Variants in DDX50 observed in about 807,000 individuals in gnomAD.
DDX50 encodes ATP-dependent RNA helicase DDX50.
In DDX50, 56 loss-of-function variants were observed where a neutral mutation model predicts 94.8. That is an observed-to-expected ratio of 0.59 (90% CI 0.48 to 0.74). The LOEUF (loss-of-function observed/expected upper bound fraction) is 0.74. Among genes scored for constraint, DDX50 ranks in the 30% least tolerant of loss-of-function variants. The probability of loss-of-function intolerance (pLI) is 0.00; values close to 1 mark genes in which losing one functional copy is unlikely to be tolerated. For missense variants in DDX50, 713 were observed against 881.2 expected (o/e 0.81, Z 2.42); for synonymous variants, 264 against 295.4 (o/e 0.89, Z 1.09).
intron 11 of DDX50, among the ~76,000 whole-genome samples, chr10:68,936,533 T>C (rs1200184022): frequency 9.8e-6 from 1 of 101,766 alleles, no homozygotes; most frequent in Non-Finnish European, 1.9e-5. Context: ...TATATATATA[T>C]ATATATATAT....
rs751838663 is a variant in DDX50, at chr10:68,934,279, A to G, written c.1320A>G (p.Lys440=). 5.0e-6 allele frequency: 8 copies of G among 1,613,384 alleles called. No homozygotes were observed. Among genetic ancestry groups the G allele is most frequent in the South Asian group, 1.1e-5 (1 of 91,054 alleles). ...AAGGCTTCAGAGAAGGTAGTTTTAAAGTTTTGGTGGCAACCAATGTGGCTG... is the reference window on the plus strand; with the variant it reads ...AAGGCTTCAGAGAAGGTAGTTTTAAGGTTTTGGTGGCAACCAATGTGGCTG... ...TLKGFREGSF[K]VLVATNVAAR... The change falls in exon 9 of 15, where the codon AAA becomes AAG. Residue 440 remains lysine, a synonymous_variant. Transcript: ENST00000373585. This position sits in a 1 kb window ranked among gnomAD's most constrained non-coding sequence, Gnocchi z 4.0.
At chr10:68,936,438 G>A (rs563009859) in intron 11 of DDX50, among the ~76,000 whole-genome samples, 30 of 130,006 alleles carry the variant, frequency 2.3e-4, no homozygotes, top group African/African-American at 7.6e-4. Flanking sequence ...GCAGGGAATC[G>A]AGAGTGCACC....
chr10:68,937,580 A>G (rs541389242), intron 12 of DDX50, among the ~76,000 whole-genome samples: 140 of 131,754 alleles, frequency 1.1e-3, no homozygotes, highest in African/African-American at 3.6e-3. Flanking sequence ...TTATAACTTT[A>G]TAAGTTTTTT....
Position 68,936,037 on chromosome 10 carries a change from C to G in DDX50, c.1553C>G (p.Ser518Cys). The change falls in exon 11 of 15, where the codon TCT becomes TGT. Residue 518 changes from serine (S) to cysteine (C), a missense_variant. Coordinates refer to ENST00000373585, the MANE Select transcript of DDX50 (RefSeq NM_024045.2). ...GITFKRVGVPSTMDLVKSKSM... is the reference protein window; with the variant it reads ...GITFKRVGVPCTMDLVKSKSM... ...ACTTTTAAACGTGTAGGTGTTCCTT[C>G]TACAATGGATTTAGTTAAATCTAAA... The G allele has an allele frequency of 6.2e-7, 1 of 1,610,224 alleles. No homozygotes were observed. The highest frequency in any genetic ancestry group is 8.5e-7 in the Non-Finnish European group (1 of 1,178,620).
intron 14 of DDX50, 83 bp from the exon 15 acceptor site, chr10:68,946,269 A>C: frequency 6.8e-7 from 1 of 1,469,700 alleles, no homozygotes; most frequent in East Asian, 2.3e-5. Flanking sequence ...AATAGATATG[A>C]AAAAGGTGTC....
At chr10:68,910,445 C>G in intron 3 of DDX50, 63 bp downstream of exon 3, 1 of 1,403,196 alleles carries the variant, frequency 7.1e-7, no homozygotes, top group South Asian at 1.3e-5. Context: ...CTCTGTTGCC[C>G]AGGCTGGAGT....
At chr10:68,942,813 C>A (rs1274694271) in intron 13 of DDX50, among the ~76,000 whole-genome samples, 1 of 151,866 alleles carries the variant, frequency 6.6e-6, no homozygotes, top group Admixed American at 6.6e-5. Context: ...ATGGAGTTTT[C>A]CCTATGTTGC....
rs141725516 is a variant in DDX50 at position 68,927,820 on chromosome 10, T to G, written c.1240-6379T>G. On this transcript the variant is annotated intron_variant, in intron 8 of 14. Transcript: ENST00000373585. ...GGGAGTCTTATGCATGAATTAAACA[T>G]CTTAAAATGTATTATGGAAATTGTA... Among the ~76,000 whole-genome samples the G allele has an allele frequency of 2.9e-3, 434 of 152,280 alleles. 4 individuals carry two copies. Among genetic ancestry groups the G allele is most frequent in the African/African-American group, 0.01 (419 of 41,548 alleles).
chr10:68,901,582 G>GCCTCCCTTCGCGCCGCCCTCGGC (rs1221973461), intron 1 of DDX50, 111 bp downstream of exon 1: 7 of 1,145,570 alleles, frequency 6.1e-6, no homozygotes, highest in Non-Finnish European at 8.5e-6. Context: ...GCATCCGAGG[G>GCCTCCCTTCGCGCCGCCCTCGGC]CCTCCCTTCG....
At chr10:68,905,569 C>T (rs918289315) in intron 1 of DDX50, among the ~76,000 whole-genome samples, 1 of 152,184 alleles carries the variant, frequency 6.6e-6, no homozygotes, top group Non-Finnish European at 1.5e-5. Context: ...ACATGTGGAT[C>T]TTTGGCAAGT....
At chr10:68,910,603 G>A (rs10823269) in intron 3 of DDX50, among the ~76,000 whole-genome samples, 20,438 of 152,118 alleles carry the variant, frequency 0.13, 2,592 homozygotes, top group African/African-American at 0.34. Flanking sequence ...CAGTTTCACT[G>A]TGTTGGTCAG....
rs1417025808 is a variant in DDX50, at chr10:68,901,476, G to A, written c.87+5G>A. On this transcript the variant is annotated splice_donor_5th_base_variant and intron_variant, in intron 1 of 14. Transcript: ENST00000373585. ...CAGAAGAAGGAGAGGCAAAAGGTGCGCTGAGCATGGGCCGCGCCTCCTTTT... is the reference window on the plus strand; with the variant it reads ...CAGAAGAAGGAGAGGCAAAAGGTGCACTGAGCATGGGCCGCGCCTCCTTTT... 6.4e-7 allele frequency: 1 copy of A among 1,562,698 alleles called. No individual in the cohort carries two copies. Among genetic ancestry groups the A allele is most frequent in the Non-Finnish European group, 8.7e-7 (1 of 1,153,926 alleles).
chr10:68,919,623 T>C (rs777874018), intron 7 of DDX50, among the ~76,000 whole-genome samples: 16 of 152,240 alleles, frequency 1.1e-4, no homozygotes, highest in Non-Finnish European at 1.9e-4. Context: ...TGAATGGTAT[T>C]CTGTTTGAAT....
chr10:68,939,347 G>A (rs1461865858), intron 12 of DDX50, among the ~76,000 whole-genome samples: 1 of 152,134 alleles, frequency 6.6e-6, no homozygotes, highest in Non-Finnish European at 1.5e-5. Flanking sequence ...AAGTTATTTA[G>A]TCTCAACTCT....
At position 68,901,404 on chromosome 10, in the gene DDX50, G is replaced by C. The variant is rs530795940; in HGVS notation, c.20G>C (p.Trp7Ser). 2.4e-4 allele frequency: 379 copies of C among 1,566,678 alleles called. 1 individual carries two copies. The highest frequency in any genetic ancestry group is 3.1e-4 in the Non-Finnish European group (362 of 1,156,476). The change falls in exon 1 of 15, where the codon TGG becomes TCG. Residue 7 changes from tryptophan to serine, a missense_variant. By Grantham distance (177) the Trp-to-Ser change is radical (BLOSUM62 -3). Around this residue, in one of 2 missense-constraint regions of DDX50, gnomAD observed 285 missense variants for 278.9 expected, o/e 1.02. Coordinates refer to ENST00000373585, the MANE Select transcript of DDX50 (RefSeq NM_024045.2). ...CCAGTAATGCCTGGGAAACTCCTCTGGGGGGACATTATGGAGCTGGAAGCA... is the reference window on the plus strand; with the variant it reads ...CCAGTAATGCCTGGGAAACTCCTCTCGGGGGACATTATGGAGCTGGAAGCA... MPGKLL[W>S]GDIMELEAPL...
At chr10:68,926,805 A>ACACACT (rs200147426) in intron 8 of DDX50, among the ~76,000 whole-genome samples, 22 of 151,132 alleles carry the variant, frequency 1.5e-4, no homozygotes, top group African/African-American at 5.4e-4. Flanking sequence ...ACACACACAC[A>ACACACT]CACTTTTGGA....
At chr10:68,914,032 C>T in intron 6 of DDX50, 27 bp from the exon 7 acceptor site, 2 of 1,546,922 alleles carry the variant, frequency 1.3e-6, no homozygotes, top group East Asian at 2.4e-5. Flanking sequence ...ATTAAGAAAA[C>T]ATTTGAATTC....
intron 8 of DDX50, among the ~76,000 whole-genome samples, chr10:68,925,310 A>G (rs1047497230): frequency 4.0e-4 from 60 of 150,932 alleles, no homozygotes; most frequent in African/African-American, 1.3e-3. Context: ...GGGTTTCTTC[A>G]TATTTGTCAG....
chr10:68,920,818 G>A (rs1487587693), intron 8 of DDX50, among the ~76,000 whole-genome samples: 2 of 151,358 alleles, frequency 1.3e-5, no homozygotes, highest in East Asian at 1.9e-4. Flanking sequence ...GGTGGTGGGC[G>A]CCTGTAATCC....
Sources: allele counts gnomAD v4.1 joint callset (sites outside exome capture counted in the v4.1 genomes callset), GRCh38; gene constraint gnomAD v4.1.1; regional missense constraint gnomAD v4.1.1; non-coding constraint Gnocchi (gnomAD v3.1); transcripts MANE v1.5; gene names NCBI Gene and HGNC (gene_info 2026-07-23, HGNC 2026-07-21).